The following BPNT2 variants were observed in gnomAD, a reference collection of about 807,000 sequenced individuals.
The protein encoded by BPNT2 is 3'(2'), 5'-bisphosphate nucleotidase 2, also known as Golgi-resident adenosine 3',5'-bisphosphate 3'-phosphatase.
BPNT2 carries 11 observed loss-of-function variants against 29.3 expected under a neutral mutation model. The observed-to-expected ratio is 0.38, with a 90% CI of 0.24 to 0.62. The LOEUF (loss-of-function observed/expected upper bound fraction) is 0.62. BPNT2 is among the 20% of genes least tolerant of loss of function. The probability of loss-of-function intolerance (pLI) is 0.62; values close to 1 mark genes in which losing one functional copy is unlikely to be tolerated. For missense variants in BPNT2, 459 were observed against 473.4 expected, an observed-to-expected ratio of 0.97 and a Z score of 0.28; for synonymous variants, 195 against 187.7, an observed-to-expected ratio of 1.04 and a Z score of -0.32.
chr8:56,988,813 CT>C (rs1251962957), intron 1 of BPNT2, among the ~76,000 whole-genome samples: 1 of 152,180 alleles, frequency 6.6e-6, no homozygotes, highest in African/African-American at 2.4e-5. Flanking sequence ...ATAATCTGTC[CT>C]CCAACTTAAC....
chr8:56,964,862 T>C (rs1282605379), intron 4 of BPNT2, among the ~76,000 whole-genome samples: 1 of 152,156 alleles, frequency 6.6e-6, no homozygotes, highest in African/African-American at 2.4e-5. Flanking sequence ...ATAAAACAAA[T>C]GCAGAAGAAA....
At chr8:56,989,486 T>A (rs954185145) in intron 1 of BPNT2, among the ~76,000 whole-genome samples, 4 of 152,204 alleles carry the variant, frequency 2.6e-5, no homozygotes, top group African/African-American at 9.6e-5. Context: ...TTTGTTGTTG[T>A]GAAGATAAAA....
chr8:56,971,988 G>C (rs771129973), intron 3 of BPNT2, among the ~76,000 whole-genome samples: 1 of 151,632 alleles, frequency 6.6e-6, no homozygotes, highest in Non-Finnish European at 1.5e-5. Flanking sequence ...CCAGCTACTC[G>C]GGAGGCTGAG....
intron 1 of BPNT2, among the ~76,000 whole-genome samples, chr8:56,990,563 T>C (rs905405781): frequency 2.0e-5 from 3 of 152,116 alleles, no homozygotes; most frequent in Non-Finnish European, 4.4e-5. Context: ...TGAGTTTTGT[T>C]AGGATAGCAC....
Position 56,993,803 on chromosome 8 carries a change from G to T in BPNT2, c.-218C>A. On this transcript the variant is annotated 5_prime_UTR_variant, in exon 1 of 5. In the 5' UTR this introduces an upstream ATG that the reference lacks. Coordinates refer to ENST00000262644, the MANE Select transcript of BPNT2 (RefSeq NM_017813.5). Reference sequence around the variant, plus strand: ...CCCCGCGCGCCTGACTCGCCAGGCAGCGCGCTCTAGGTTCTTCCGCCGGCC... The same window carrying T: ...CCCCGCGCGCCTGACTCGCCAGGCATCGCGCTCTAGGTTCTTCCGCCGGCC... 1 of 509,952 alleles carries T rather than the reference G, an allele frequency of 2.0e-6. No individual in the cohort carries two copies. The highest frequency in any genetic ancestry group is 2.5e-6 in the Non-Finnish European group (1 of 393,210). The allele number at this position is 509,952 out of a possible 1,614,324, so 31.6% of individuals were successfully genotyped here.
chr8:56,993,381 C>G lies in BPNT2; in HGVS notation c.205G>C (p.Val69Leu). The G allele has an allele frequency of 6.2e-7, 1 of 1,608,970 alleles. No individual in the cohort carries two copies. ...GTVDLREMLA[V>L]SVLAAVRGGD... ...CCGCGGACTGCGGCCAGCACTGACA[C>G]AGCCAGCATCTCGCGCAAGTCCACG... The change falls in exon 1 of 5, where the codon GTG (valine) becomes CTG (leucine). Residue 69 changes from valine (V) to leucine (L), a missense_variant. By Grantham distance (32) the Val-to-Leu change is conservative (BLOSUM62 1). Transcript: ENST00000262644.
intron 3 of BPNT2, 108 bp from the exon 4 acceptor site, chr8:56,966,460 T>G: frequency 1.1e-6 from 1 of 931,460 alleles, no homozygotes; most frequent in Non-Finnish European, 1.7e-6. Context: ...AGCTCTCTTC[T>G]AAAAAATTAT....
intron 1 of BPNT2, among the ~76,000 whole-genome samples, chr8:56,992,717 C>G (rs1006684513): frequency 7.0e-6 from 1 of 142,640 alleles, no homozygotes; most frequent in Admixed American, 7.4e-5. Context: ...CGCGAGCGCA[C>G]ACACGCACAC....
chr8:56,977,441 T>C (rs1050307104), intron 3 of BPNT2, among the ~76,000 whole-genome samples: 3 of 152,158 alleles, frequency 2.0e-5, no homozygotes, highest in African/African-American at 4.8e-5. Flanking sequence ...GTCCTTTCTG[T>C]TTCTTATAAA....
intron 1 of BPNT2, among the ~76,000 whole-genome samples, chr8:56,983,492 T>C (rs1010550953): frequency 3.3e-5 from 5 of 151,988 alleles, no homozygotes; most frequent in Admixed American, 1.3e-4. Context: ...CAGAGAGTAA[T>C]GGAAGCCAGA....
chr8:56,984,866 C>G (rs550822550), intron 1 of BPNT2, among the ~76,000 whole-genome samples: 1 of 151,964 alleles, frequency 6.6e-6, no homozygotes, highest in African/African-American at 2.4e-5. Context: ...AAGTGCTATC[C>G]CGTAATCTCT....
intron 3 of BPNT2, chr8:56,966,980 A>G (rs1805963387): frequency 2.9e-6 from 1 of 349,678 alleles, no homozygotes; most frequent in South Asian, 2.3e-5. Flanking sequence ...TATTAAAGAA[A>G]AAGCCTTAGA....
At chr8:56,986,157 G>A (rs1036440153) in intron 1 of BPNT2, among the ~76,000 whole-genome samples, 8 of 152,164 alleles carry the variant, frequency 5.3e-5, no homozygotes, top group Non-Finnish European at 1.2e-4. Flanking sequence ...CTCCTAAGTA[G>A]TTTAAGAGCC....
chr8:56,981,626 C>T (rs1230686573), intron 1 of BPNT2, among the ~76,000 whole-genome samples: 2 of 152,106 alleles, frequency 1.3e-5, no homozygotes, highest in Non-Finnish European at 1.5e-5. Context: ...CTTTTGTAAA[C>T]TGGCATATAC....
rs1178381265 is a variant in BPNT2, at chr8:56,959,055, A to G, written c.*4738T>C. On this transcript the variant is annotated 3_prime_UTR_variant, in exon 5 of 5. Transcript: ENST00000262644. The stretch of plus-strand genomic sequence containing the variant: ...CTGTGTGTATAACATACACCTCAAA[A>G]TGAATTTTAAGGGAACATATTACTA... 1 of 152,226 alleles carries G rather than the reference A, an allele frequency of 6.6e-6. No individual in the cohort carries two copies. Among genetic ancestry groups the G allele is most frequent in the East Asian group, 1.9e-4 (1 of 5,202 alleles). The allele number at this position is 152,226 out of a possible 1,614,324, so 9.4% of individuals were successfully genotyped here.
Position 56,972,875 on chromosome 8 carries a change from G to A in BPNT2, c.646+5175C>T, listed in dbSNP as rs138598213. Among the ~76,000 whole-genome samples the A allele has an allele frequency of 1.2e-4, 19 of 152,008 alleles. No individual in the cohort carries two copies. The East Asian group carries it at 3.7e-3, about 29-fold the overall frequency. On this transcript the variant is annotated intron_variant, in intron 3 of 4. Transcript: ENST00000262644. ...AAAAAAAAAAAAAATTTAAAAAAGGGGCCACAAAATACATTTATTAGTAAG... is the reference window on the plus strand; with the variant it reads ...AAAAAAAAAAAAAATTTAAAAAAGGAGCCACAAAATACATTTATTAGTAAG...
intron 3 of BPNT2, among the ~76,000 whole-genome samples, chr8:56,976,742 C>T (rs1563408437): frequency 6.6e-6 from 1 of 152,114 alleles, no homozygotes; most frequent in Non-Finnish European, 1.5e-5. Context: ...CATTTCTCCC[C>T]ACTTCACAGA....
intron 3 of BPNT2, among the ~76,000 whole-genome samples, chr8:56,971,784 C>CCCT (rs1554539119): frequency 2.9e-5 from 4 of 139,604 alleles, no homozygotes; most frequent in Non-Finnish European, 3.2e-5. Flanking sequence ...TTTGTACCAC[C>CCCT]CCCCCCCCCA....
At chr8:56,965,148 C>T (rs1344571418) in intron 4 of BPNT2, among the ~76,000 whole-genome samples, 2 of 151,990 alleles carry the variant, frequency 1.3e-5, no homozygotes, top group African/African-American at 2.4e-5. Context: ...GGCAAAACCC[C>T]GTCTCTACTA....
Sources: gnomAD v4.1 joint callset for allele counts (sites outside exome capture counted in the v4.1 genomes callset) on GRCh38, gnomAD v4.1.1 for gene constraint, MANE v1.5 for transcripts, NCBI Gene and HGNC (gene_info 2026-07-23, HGNC 2026-07-21) for gene names.